Variants in CENPP observed in about 807,000 individuals in gnomAD.
CENPP encodes the protein centromere protein P.
Under a neutral mutation model 35.6 loss-of-function variants are expected in CENPP, and 24 were observed. The ratio of observed to expected loss-of-function variants is 0.67; its 90% confidence interval spans 0.49 to 0.95. CENPP has a LOEUF of 0.95. Ranked by LOEUF, CENPP falls within the 40% of genes least tolerant of loss-of-function variation. The pLI, the probability that CENPP is intolerant of heterozygous loss-of-function variation, is 0.00. For missense variants in CENPP, 332 were observed against 345.3 expected, an observed-to-expected ratio of 0.96 and a Z score of 0.31; for synonymous variants, 120 against 125.5, an observed-to-expected ratio of 0.96 and a Z score of 0.29.
chr9:92,456,940 AT>A, intron 5 of CENPP: 1 of 1,032,548 alleles, frequency 9.7e-7, no homozygotes, highest in East Asian at 8.9e-5. Flanking sequence ...CAAGCATTCC[AT>A]TTACAGTACA....
At chr9:92,489,448 G>A (rs1388242536) in intron 5 of CENPP, among the ~76,000 whole-genome samples, 1 of 152,176 alleles carries the variant, frequency 6.6e-6, no homozygotes, top group East Asian at 1.9e-4. Flanking sequence ...TCATTCAGCG[G>A]TTATTTCTAA....
chr9:92,429,590 T>C (rs1294844433), intron 5 of CENPP, among the ~76,000 whole-genome samples: 1 of 152,086 alleles, frequency 6.6e-6, no homozygotes, highest in African/African-American at 2.4e-5. Context: ...AGTTCCAGAC[T>C]AGTCTGGCCA....
chr9:92,534,812 G>T (rs1411182829), intron 5 of CENPP, among the ~76,000 whole-genome samples: 1 of 152,150 alleles, frequency 6.6e-6, no homozygotes, highest in Non-Finnish European at 1.5e-5. Context: ...TATCATAAGT[G>T]CTCTGCAATG....
intron 5 of CENPP, among the ~76,000 whole-genome samples, chr9:92,454,290 A>G (rs983914803): frequency 6.6e-6 from 1 of 152,198 alleles, no homozygotes; most frequent in African/African-American, 2.4e-5. Context: ...TTCAAGAATC[A>G]TTTCCAGTAT....
At chr9:92,559,162 T>TTACAAAGTTC (rs1181048182) in intron 5 of CENPP, among the ~76,000 whole-genome samples, 3 of 152,182 alleles carry the variant, frequency 2.0e-5, no homozygotes, top group African/African-American at 7.2e-5. Flanking sequence ...GTTCAAATTG[T>TTACAAAGTTC]TACAAAGTTC....
intron 5 of CENPP, among the ~76,000 whole-genome samples, chr9:92,507,921 T>C (rs181469116): frequency 6.6e-6 from 1 of 152,278 alleles, no homozygotes; most frequent in Admixed American, 6.5e-5. Context: ...TGCTTGCCTT[T>C]CACCTTCACC....
chr9:92,415,186 T>G, intron 5 of CENPP: 1 of 1,611,782 alleles, frequency 6.2e-7, no homozygotes, highest in Non-Finnish European at 8.5e-7. Context: ...AAGGTCAAAG[T>G]GCCCTTCTGC....
At chr9:92,351,565 CTG>C (rs1841444899) in intron 4 of CENPP, among the ~76,000 whole-genome samples, 1 of 151,898 alleles carries the variant, frequency 6.6e-6, no homozygotes, top group Non-Finnish European at 1.5e-5. Flanking sequence ...TACTTTTTGT[CTG>C]TGTGATTTTG....
intron 5 of CENPP, among the ~76,000 whole-genome samples, chr9:92,574,119 G>A (rs376836274): frequency 5.5e-4 from 83 of 152,216 alleles, no homozygotes; most frequent in South Asian, 2.1e-3. Flanking sequence ...AGATGAACCC[G>A]GTACCTCAGT....
Position 92,611,383 on chromosome 9 carries a change from A to G in CENPP, c.634A>G (p.Ser212Gly), listed in dbSNP as rs749463098. 6.2e-7 allele frequency: 1 copy of G among 1,613,040 alleles called. No homozygotes were observed. Among genetic ancestry groups the G allele is most frequent in the Non-Finnish European group, 8.5e-7 (1 of 1,179,898 alleles). Residue 212 changes from serine to glycine, a missense_variant, in exon 6 of 8, where the codon AGC (serine) becomes GGC (glycine). Physicochemically the swap from Ser to Gly is moderately conservative, Grantham distance 56. Coordinates refer to ENST00000375587, the MANE Select transcript of CENPP (RefSeq NM_001012267.3). ...CTGCTCCATGGGGATCCGCAGCGCC[A>G]GCCGGCCAGGGTGAGCCTGCACAGG... ...SSCSMGIRSASRPGFELVIVW... is the reference protein window; with the variant it reads ...SSCSMGIRSAGRPGFELVIVW...
At chr9:92,357,741 T>C (rs2130826808) in intron 4 of CENPP, among the ~76,000 whole-genome samples, 1 of 152,204 alleles carries the variant, frequency 6.6e-6, no homozygotes, top group South Asian at 2.1e-4. Flanking sequence ...CAGGTGATCC[T>C]GCCTTGGCCT....
intron 5 of CENPP, among the ~76,000 whole-genome samples, chr9:92,420,851 G>A (rs914256478): frequency 1.3e-5 from 2 of 149,006 alleles, no homozygotes; most frequent in Non-Finnish European, 3.0e-5. Flanking sequence ...TGTGAGATTC[G>A]TGGAAGATGT....
intron 4 of CENPP, among the ~76,000 whole-genome samples, chr9:92,357,168 C>T (rs1841610813): frequency 6.6e-6 from 1 of 151,874 alleles, no homozygotes; most frequent in South Asian, 2.1e-4. Flanking sequence ...TTTATAATTT[C>T]ACATGTATTT....
At chr9:92,345,346 G>A (rs1337731465) in intron 3 of CENPP, among the ~76,000 whole-genome samples, 15 of 151,594 alleles carry the variant, frequency 9.9e-5, no homozygotes, top group Non-Finnish European at 1.9e-4. Context: ...TTAGCCGGGC[G>A]TGGTGGTGGG....
chr9:92,396,679 C>T (rs752358920), intron 5 of CENPP, among the ~76,000 whole-genome samples: 8 of 151,750 alleles, frequency 5.3e-5, no homozygotes, highest in Non-Finnish European at 1.2e-4. Flanking sequence ...ATCCTCCTGC[C>T]TCAGCCTCTC....
intron 5 of CENPP, among the ~76,000 whole-genome samples, chr9:92,609,575 T>C (rs988646506): frequency 2.0e-5 from 3 of 152,232 alleles, no homozygotes; most frequent in African/African-American, 4.8e-5. Context: ...ACCCCCAGGC[T>C]TCTATATCAG....
rs560306933 is a variant in CENPP at position 92,611,239 on chromosome 9, G to GGTGCCCC, written c.565-67_565-61dup. On this transcript the variant is annotated intron_variant, in intron 5 of 7. Transcript: ENST00000375587. ...CTGATTTTCGCCAGACACCTGGAAC[G>GGTGCCCC]GTGCCCCGTGCCCCTCCCATGGCCC... 4,280 of 1,210,356 alleles carry GGTGCCCC rather than the reference G, an allele frequency of 3.5e-3. 9 individuals carry two copies. The highest frequency in any genetic ancestry group is 4.5e-3 in the Middle Eastern group (18 of 3,988). 75.0% of individuals were successfully genotyped at this position (1,210,356 alleles called of 1,614,324 possible).
intron 5 of CENPP, among the ~76,000 whole-genome samples, chr9:92,390,587 T>TGTGTGCGCGCGC (rs749697394): frequency 9.2e-5 from 13 of 141,812 alleles, no homozygotes; most frequent in South Asian, 7.0e-4. Context: ...TGTGTGTGTG[T>TGTGTGCGCGCGC]GCGCGCGCGC....
At chr9:92,526,419 A>T (rs1848414169) in intron 5 of CENPP, among the ~76,000 whole-genome samples, 1 of 152,178 alleles carries the variant, frequency 6.6e-6, no homozygotes, top group Admixed American at 6.5e-5. Context: ...AACCTATGGG[A>T]TACAGCAAAA....
Sources: allele counts gnomAD v4.1 joint callset (sites outside exome capture counted in the v4.1 genomes callset), GRCh38; gene constraint gnomAD v4.1.1; transcripts MANE v1.5; gene names NCBI Gene and HGNC (gene_info 2026-07-23, HGNC 2026-07-21).